CDH8: variants seen among roughly 807,000 people sequenced by gnomAD.
CDH8 encodes cadherin-8.
CDH8 carries 17 observed loss-of-function variants against 68.1 expected under a neutral mutation model. The ratio of observed to expected loss-of-function variants is 0.25; its 90% CI spans 0.17 to 0.37. CDH8 has a LOEUF of 0.37. Ranked by LOEUF, CDH8 falls within the 10% of genes least tolerant of loss-of-function variation. CDH8 has a pLI of 1.00. For synonymous variants in CDH8, 372 were observed against 365.1 expected, an observed-to-expected ratio of 1.02 and a Z score of -0.21; for missense variants, 763 against 999.3, an observed-to-expected ratio of 0.76 and a Z score of 3.19.
At chr16:61,825,206 T>C in intron 4 of CDH8, 27 bp from the exon 5 acceptor site, 1 of 1,585,116 alleles carries the variant, frequency 6.3e-7, no homozygotes, top group South Asian at 1.1e-5. Flanking sequence ...AAGAATGACT[T>C]TCAGTCACAG....
At chr16:61,782,149 G>A (rs563025153) in intron 8 of CDH8, among the ~76,000 whole-genome samples, 2 of 152,126 alleles carry the variant, frequency 1.3e-5, no homozygotes, top group Admixed American at 6.5e-5. Context: ...GCAGAAGACG[G>A]GTGATTTCTG....
intron 9 of CDH8, among the ~76,000 whole-genome samples, chr16:61,723,904 A>C (rs1279690198): frequency 6.6e-6 from 1 of 150,724 alleles, no homozygotes; most frequent in African/African-American, 2.4e-5. Context: ...GAATTAGACT[A>C]TATCACCACT....
chr16:61,763,718 G>C (rs1251359060), intron 8 of CDH8, among the ~76,000 whole-genome samples: 1 of 152,114 alleles, frequency 6.6e-6, no homozygotes, highest in Non-Finnish European at 1.5e-5. Flanking sequence ...TTCACATAGA[G>C]TAGATAGATT....
chr16:61,711,741 T>G (rs146328021), intron 10 of CDH8: 3,359 of 151,780 alleles, frequency 0.022, 65 homozygotes, highest in Non-Finnish European at 0.033. Context: ...TGTTGAAGAT[T>G]TGGATCCTAA....
chr16:61,904,756 A>C (rs1964035528), intron 2 of CDH8, among the ~76,000 whole-genome samples: 1 of 152,206 alleles, frequency 6.6e-6, no homozygotes, highest in African/African-American at 2.4e-5. Context: ...AAAATGAGCT[A>C]AGAATATTTC....
chr16:61,671,115 A>C (rs1291315103), intron 10 of CDH8, among the ~76,000 whole-genome samples: 1 of 152,100 alleles, frequency 6.6e-6, no homozygotes, highest in Non-Finnish European at 1.5e-5. Context: ...AAGTGAAAAA[A>C]AAATCCTGCA....
intron 4 of CDH8, among the ~76,000 whole-genome samples, chr16:61,850,506 A>T (rs2143012456): frequency 6.6e-6 from 1 of 152,240 alleles, no homozygotes; most frequent in East Asian, 1.9e-4. Flanking sequence ...ACACATTCAA[A>T]GTCAGACTGA....
At chr16:61,998,604 CA>C (rs1354633255) in intron 2 of CDH8, among the ~76,000 whole-genome samples, 1 of 152,152 alleles carries the variant, frequency 6.6e-6, no homozygotes, top group Non-Finnish European at 1.5e-5. Context: ...CCTAAGCTCT[CA>C]CCTTGTAATT....
chr16:61,722,688 G>C lies in CDH8; in HGVS notation c.1536+4406C>G, dbSNP rs918674914. Among the ~76,000 whole-genome samples the C allele has an allele frequency of 2.0e-5, 3 of 150,592 alleles. No individual in the cohort carries two copies. In the South Asian group the frequency reaches 6.2e-4, roughly 31 times the overall value. ...TGTCATTGCTGAATGAAATTATTTA[G>C]AGCCATGATTCTAAGATTTTGTGAA... On this transcript the variant is annotated intron_variant, in intron 9 of 11. Transcript: ENST00000577390.
intron 8 of CDH8, among the ~76,000 whole-genome samples, chr16:61,740,108 A>C (rs1959823922): frequency 6.6e-6 from 1 of 151,446 alleles, no homozygotes; most frequent in Non-Finnish European, 1.5e-5. Flanking sequence ...GGGTTTCATC[A>C]TGTTGGCCAG....
intron 4 of CDH8, among the ~76,000 whole-genome samples, chr16:61,847,538 T>TTTTATATA (rs1312798297): frequency 1.5e-5 from 2 of 136,750 alleles, no homozygotes; most frequent in Non-Finnish European, 3.2e-5. Flanking sequence ...TCCAATCATT[T>TTTTATATA]TATATATATA....
intron 2 of CDH8, among the ~76,000 whole-genome samples, chr16:61,942,064 T>TAAAA (rs1964733927): frequency 6.6e-6 from 1 of 152,220 alleles, no homozygotes; most frequent in Non-Finnish European, 1.5e-5. Flanking sequence ...AAAATATTCC[T>TAAAA]GAAGTCCCAG....
At chr16:61,808,504 T>A (rs1225065725) in intron 7 of CDH8, among the ~76,000 whole-genome samples, 1 of 152,200 alleles carries the variant, frequency 6.6e-6, no homozygotes, top group Non-Finnish European at 1.5e-5. Context: ...GCCAGCTTTT[T>A]CTGGCAGATT....
At chr16:61,933,423 G>C (rs1474828483) in intron 2 of CDH8, among the ~76,000 whole-genome samples, 2 of 152,188 alleles carry the variant, frequency 1.3e-5, no homozygotes, top group South Asian at 2.1e-4. Context: ...AAATGATTTA[G>C]AGCAGGAGAG....
chr16:61,792,060 T>C (rs1269083605), intron 7 of CDH8, among the ~76,000 whole-genome samples: 1 of 151,990 alleles, frequency 6.6e-6, no homozygotes, highest in Admixed American at 6.6e-5. Flanking sequence ...ATTAATAAAC[T>C]TCCCTATTTA....
intron 10 of CDH8, among the ~76,000 whole-genome samples, chr16:61,686,041 A>G (rs972556037): frequency 6.6e-6 from 1 of 152,012 alleles, no homozygotes; most frequent in Admixed American, 6.6e-5. Flanking sequence ...TCTGGTCCAC[A>G]TTGGTTATCT....
intron 1 of CDH8, among the ~76,000 whole-genome samples, chr16:62,025,117 G>A (rs1902166521): frequency 6.6e-6 from 1 of 152,174 alleles, no homozygotes; most frequent in Admixed American, 6.5e-5. Context: ...TCATTTAAAT[G>A]TCGAAATAGA....
chr16:61,652,787 T>G lies in CDH8; in HGVS notation c.*821A>C. The G allele has an allele frequency of 1.5e-6, 2 of 1,344,272 alleles. No individual in the cohort carries two copies. The highest frequency in any genetic ancestry group is 2.9e-5 in the East Asian group (1 of 34,516). The allele number at this position is 1,344,272 out of a possible 1,614,324, so 83.3% of individuals were successfully genotyped here. A position where few individuals can be genotyped will look rare whatever the true frequency, so the allele number is the denominator to read the frequency against. Reference sequence around the variant, plus strand: ...TATTTCGAGGATTAAACAAATAAATTCACGCGCTAGCAATAAAACCATCTG... The same window carrying G: ...TATTTCGAGGATTAAACAAATAAATGCACGCGCTAGCAATAAAACCATCTG... On this transcript the variant is annotated 3_prime_UTR_variant, in exon 12 of 12. Coordinates refer to ENST00000577390, the MANE Select transcript of CDH8 (RefSeq NM_001796.5).
At chr16:61,949,334 CACCAATCAGCACTCTGTAAAATGG>C (rs1018408454) in intron 2 of CDH8, among the ~76,000 whole-genome samples, 4 of 152,002 alleles carry the variant, frequency 2.6e-5, no homozygotes, top group African/African-American at 7.3e-5. Context: ...ATTGTAAATG[CACCAATCAGCACTCTGTAAAATGG>C]ACCAATCAGC....
Sources: gnomAD v4.1 joint callset for allele counts (sites outside exome capture counted in the v4.1 genomes callset) on GRCh38, gnomAD v4.1.1 for gene constraint, MANE v1.5 for transcripts, NCBI Gene and HGNC (gene_info 2026-07-23, HGNC 2026-07-21) for gene names.